HLA-F: variants seen among roughly 807,000 people sequenced by gnomAD.
HLA-F encodes major histocompatibility complex, class I, F, also known as HLA class I histocompatibility antigen, alpha chain F.
A neutral mutation model predicts 49.5 loss-of-function variants in HLA-F; 46 were observed. The ratio of observed to expected loss-of-function variants is 0.93; its 90% CI spans 0.73 to 1.19. The LOEUF (loss-of-function observed/expected upper bound fraction) is 1.19, where lower values mean the gene tolerates loss of function less well. Ranked by LOEUF, HLA-F falls within the 50% of genes most tolerant of loss-of-function variation. The probability of loss-of-function intolerance (pLI) is 0.00; values close to 1 mark genes in which losing one functional copy is unlikely to be tolerated. For missense variants in HLA-F, 496 were observed against 579.6 expected (o/e 0.86, Z 1.48); for synonymous variants, 203 against 233.5 (o/e 0.87, Z 1.19).
chr6:29,726,666 A>G (rs62391801), intron 6 of HLA-F: 92,650 of 1,472,564 alleles, frequency 0.063, 3,787 homozygotes, highest in South Asian at 0.13. Context: ...AGCTTGACTC[A>G]GTTTAGGTGA....
intron 6 of HLA-F, 30 bp downstream of exon 6, chr6:29,726,073 T>C (rs1776026227): frequency 1.2e-6 from 2 of 1,606,266 alleles, no homozygotes; most frequent in African/African-American, 1.3e-5. Context: ...TCCCTGAGAT[T>C]GTTGGGATAT....
At chr6:29,726,474 G>GAACATACATAATTTTTAAAATTTTAA in intron 6 of HLA-F, 2 of 1,594,748 alleles carry the variant, frequency 1.3e-6, no homozygotes, top group Non-Finnish European at 1.7e-6. Flanking sequence ...TGTGCCTCAC[G>GAACATACATAATTTTTAAAATTTTAA]AACATACATA....
downstream of HLA-F, chr6:29,728,259 C>A: frequency 2.8e-6 from 1 of 360,968 alleles, no homozygotes; most frequent in East Asian, 7.5e-5. Context: ...CTGAGGGACA[C>A]CCTGAAGGAA....
intron 3 of HLA-F, among the ~76,000 whole-genome samples, chr6:29,734,732 C>T (rs554822124): frequency 1.3e-5 from 2 of 152,244 alleles, no homozygotes; most frequent in South Asian, 2.1e-4. Context: ...TTAGTAGGTT[C>T]GCAATGTTAT....
Position 29,725,984 on chromosome 6 carries a change from C to T in HLA-F, c.1004-27C>T, listed in dbSNP as rs180964015. ...CTTATGGCCCTGCCTCCTTTCTGGC[C>T]TCTCACAGGACATTTTCTTCCCATA... On this transcript the variant is annotated intron_variant, in intron 5 of 6. Coordinates refer to ENST00000259951, the MANE Select transcript of HLA-F (RefSeq NM_001098479.2). 1,734 of 1,613,728 alleles carry T rather than the reference C, an allele frequency of 1.1e-3. 7 individuals are homozygous for T. The highest frequency in any genetic ancestry group is 4.1e-3 in the Middle Eastern group (25 of 6,060).
chr6:29,723,538 G>C lies in HLA-F; in HGVS notation c.64+11G>C. On this transcript the variant is annotated intron_variant, in intron 1 of 6. Coordinates refer to ENST00000259951, the MANE Select transcript of HLA-F (RefSeq NM_001098479.2). ...CCGATACTTGGGCGGGTGAGTGCGG[G>C]GTCCAGAGAGAAACGGCCTCTGTGG... The C allele has an allele frequency of 6.2e-7, 1 of 1,609,148 alleles. No individual in the cohort carries two copies. The highest frequency in any genetic ancestry group is 8.5e-7 in the Non-Finnish European group (1 of 1,178,674).
downstream of HLA-F, chr6:29,728,775 G>A (rs1217176395): frequency 1.3e-5 from 2 of 152,180 alleles, no homozygotes; most frequent in Admixed American, 6.5e-5. Flanking sequence ...AAGGTCTTGT[G>A]GGACCTGCAG....
At chr6:29,732,208 A>G (rs1251779663), downstream of HLA-F, among the ~76,000 whole-genome samples, 1 of 152,014 alleles carries the variant, frequency 6.6e-6, no homozygotes, top group African/African-American at 2.4e-5. Context: ...GGCTCAGACA[A>G]TCCACCCTCC....
In HLA-F at chr6:29,725,476, G is replaced by A. The variant is rs776606444; in HGVS notation, c.916G>A (p.Val306Met). The A allele has an allele frequency of 1.2e-5, 20 of 1,614,006 alleles. No individual in the cohort carries two copies. Among genetic ancestry groups the A allele is most frequent in the Middle Eastern group, 1.6e-4 (1 of 6,084 alleles). The change falls in exon 5 of 7, where the codon GTG (valine) becomes ATG (methionine). Residue 306 changes from valine (V) to methionine (M), a missense_variant. Physicochemically the swap from Val to Met is conservative, Grantham distance 21 (BLOSUM62 1). Transcript: ENST00000259951. Reference sequence around the variant, plus strand: ...GTCTCCCCAGCCCACCATCCCCATCGTGGGCATCGTTGCTGGCCTTGTTGT... The same window carrying A: ...GTCTCCCCAGCCCACCATCCCCATCATGGGCATCGTTGCTGGCCTTGTTGT... ...EQSPQPTIPI[V>M]GIVAGLVVLG...
intron 6 of HLA-F, chr6:29,726,256 G>A: frequency 1.0e-6 from 1 of 971,178 alleles, no homozygotes; most frequent in Non-Finnish European, 1.7e-6. Context: ...GCCCTGATGT[G>A]AGTGGGGTGT....
chr6:29,734,898 C>T (rs1332435432), intron 3 of HLA-F: 2 of 152,114 alleles, frequency 1.3e-5, no homozygotes, highest in Non-Finnish European at 2.9e-5. Context: ...GAAGATTTCA[C>T]AAAAATGGGT....
chr6:29,736,513 T>C, intron 3 of HLA-F: 1 of 405,622 alleles, frequency 2.5e-6, no homozygotes, highest in South Asian at 1.8e-5. Flanking sequence ...ACAACATGCA[T>C]GGAGAAAGGT....
chr6:29,733,980 T>C (rs995087078), intron 3 of HLA-F, among the ~76,000 whole-genome samples: 6 of 152,196 alleles, frequency 3.9e-5, no homozygotes, highest in Admixed American at 1.3e-4. Context: ...AAATCTTCAT[T>C]TGAGCTCACT....
intron 6 of HLA-F, chr6:29,726,290 G>A: frequency 8.6e-7 from 1 of 1,160,504 alleles, no homozygotes; most frequent in South Asian, 1.2e-5. Context: ...AGGGGACTCA[G>A]CTGTGCTATT....
intron 5 of HLA-F, 64 bp downstream of exon 5, chr6:29,725,627 T>C: frequency 1.5e-6 from 2 of 1,334,082 alleles, no homozygotes; most frequent in Non-Finnish European, 2.2e-6. Flanking sequence ...AAGCCCCAAG[T>C]AGAAGTGTGC....
downstream of HLA-F, among the ~76,000 whole-genome samples, chr6:29,727,767 G>A (rs1353542023): frequency 6.6e-6 from 1 of 152,148 alleles, no homozygotes; most frequent in Non-Finnish European, 1.5e-5. Context: ...GGGTATGAGT[G>A]TGATATTCTG....
intron 6 of HLA-F, chr6:29,726,615 C>G (rs1776118267): frequency 1.3e-6 from 2 of 1,512,528 alleles, no homozygotes; most frequent in Non-Finnish European, 1.8e-6. Context: ...GATTAAGATT[C>G]TTTTAATGGT....
At chr6:29,735,376 T>C (rs113099662) in intron 3 of HLA-F, 1 of 147,830 alleles carries the variant, frequency 6.8e-6, no homozygotes, top group African/African-American at 2.5e-5. Flanking sequence ...TATATATATA[T>C]ATTTATATAT....
downstream of HLA-F, among the ~76,000 whole-genome samples, chr6:29,731,274 T>G (rs988409630): frequency 1.3e-4 from 18 of 140,036 alleles, no homozygotes; most frequent in East Asian, 4.2e-4. Context: ...GATAGATAGA[T>G]AGATAGACAA....
Sources: allele counts gnomAD v4.1 joint callset (sites outside exome capture counted in the v4.1 genomes callset), GRCh38; gene constraint gnomAD v4.1.1; transcripts MANE v1.5; gene names NCBI Gene and HGNC (gene_info 2026-07-23, HGNC 2026-07-21).